The following EXOC4 variants were observed in gnomAD, a reference collection of about 807,000 sequenced individuals.
EXOC4 encodes SEC8-like 1.
EXOC4 carries 71 observed loss-of-function variants against 107.2 expected under a neutral mutation model. The ratio of observed to expected loss-of-function variants is 0.66; its 90% CI spans 0.55 to 0.81. EXOC4 has a LOEUF of 0.81. EXOC4 is among the 30% of genes least tolerant of loss of function. The probability of loss-of-function intolerance (pLI) is 0.00; values close to 1 mark genes in which losing one functional copy is unlikely to be tolerated. For missense variants in EXOC4, 1,108 were observed against 1,189.6 expected (o/e 0.93, Z 1.01); for synonymous variants, 456 against 441.2 (o/e 1.03, Z -0.42).
chr7:133,504,702 T>C (rs903880875), intron 9 of EXOC4, among the ~76,000 whole-genome samples: 1 of 152,128 alleles, frequency 6.6e-6, no homozygotes, highest in Non-Finnish European at 1.5e-5. Flanking sequence ...GACTAATGTA[T>C]GTTTATATGA....
At chr7:133,403,031 C>T (rs530067193) in intron 7 of EXOC4, among the ~76,000 whole-genome samples, 102 of 151,830 alleles carry the variant, frequency 6.7e-4, no homozygotes, top group Middle Eastern at 3.4e-3. Context: ...ATTACAGGCA[C>T]GCACCACCAT....
chr7:133,530,819 A>C (rs1325470425), intron 9 of EXOC4, among the ~76,000 whole-genome samples: 1 of 152,196 alleles, frequency 6.6e-6, no homozygotes, highest in African/African-American at 2.4e-5. Context: ...CACGTATTCA[A>C]CTTTGTCAAA....
chr7:133,458,064 TAAAGA>T (rs1188370384), intron 7 of EXOC4, among the ~76,000 whole-genome samples: 5 of 152,204 alleles, frequency 3.3e-5, no homozygotes. Flanking sequence ...AATGTATACC[TAAAGA>T]AAAGTTATTT....
chr7:133,263,696 A>G (rs765594645), intron 1 of EXOC4, among the ~76,000 whole-genome samples: 5 of 151,886 alleles, frequency 3.3e-5, no homozygotes, highest in Non-Finnish European at 5.9e-5. Context: ...AGATCTTTTA[A>G]TTTTTGTACA....
intron 10 of EXOC4, among the ~76,000 whole-genome samples, chr7:133,721,304 C>T (rs746296760): frequency 3.9e-5 from 6 of 152,054 alleles, no homozygotes; most frequent in Non-Finnish European, 8.8e-5. Context: ...ATCAGACATA[C>T]CTTTTGAGTG....
chr7:133,745,705 T>C (rs1795661122), intron 10 of EXOC4, among the ~76,000 whole-genome samples: 1 of 149,862 alleles, frequency 6.7e-6, no homozygotes, highest in East Asian at 1.9e-4. Context: ...TTGCCTCCTG[T>C]TACTCTTTTT....
chr7:133,558,457 A>G (rs1800745451), intron 9 of EXOC4, among the ~76,000 whole-genome samples: 1 of 152,074 alleles, frequency 6.6e-6, no homozygotes, highest in African/African-American at 2.4e-5. Context: ...TTAAATGCAC[A>G]AATAATAGTT....
intron 14 of EXOC4, among the ~76,000 whole-genome samples, chr7:133,952,135 T>C (rs4129572): frequency 0.53 from 80,517 of 151,238 alleles, 22,573 homozygotes; most frequent in Admixed American, 0.65. Flanking sequence ...CAGCCCGAGC[T>C]GACAACAGTG....
chr7:133,973,007 A>C (rs1801277468), intron 14 of EXOC4, among the ~76,000 whole-genome samples: 1 of 152,218 alleles, frequency 6.6e-6, no homozygotes. Flanking sequence ...TTTCCAACAG[A>C]AATTAAATCA....
rs1449139186 is a variant in EXOC4, at chr7:133,305,976, G to C, written c.571G>C (p.Val191Leu). 6.2e-7 allele frequency: 1 copy of C among 1,613,922 alleles called. No homozygotes were observed. Among genetic ancestry groups the C allele is most frequent in the Non-Finnish European group, 8.5e-7 (1 of 1,179,916 alleles). Residue 191 changes from valine to leucine, a missense_variant, in exon 4 of 18, where the codon GTT (valine) becomes CTT (leucine). Physicochemically the swap from Val to Leu is conservative, Grantham distance 32. Transcript: ENST00000253861. ...LHSKKMNLHLVLIDELHRHLY... is the reference protein window; with the variant it reads ...LHSKKMNLHLLLIDELHRHLY... ...CAGCAAGAAGATGAACCTTCACTTG[G>C]TTCTCATAGATGAACTACACCGGCA...
intron 11 of EXOC4, among the ~76,000 whole-genome samples, chr7:133,824,690 G>A (rs1379180315): frequency 6.6e-6 from 1 of 152,154 alleles, no homozygotes; most frequent in South Asian, 2.1e-4. Context: ...AAGCTCTGGA[G>A]GACGATCCTT....
rs1371864955 is a variant in EXOC4, at chr7:133,488,502, T to C, written c.1417+8364T>C. Among the ~76,000 whole-genome samples the C allele has an allele frequency of 3.3e-5, 5 of 152,052 alleles. No individual in the cohort carries two copies. In the East Asian group the frequency reaches 9.6e-4, roughly 29 times the overall value. ...ACTCAGAGGCAGACATATGGAAATA[T>C]TATATGAGGGAGAAATGACTTTACA... On this transcript the variant is annotated intron_variant, in intron 9 of 17. Coordinates refer to ENST00000253861, the MANE Select transcript of EXOC4 (RefSeq NM_021807.4).
At chr7:133,716,262 A>C (rs1464279469) in intron 10 of EXOC4, among the ~76,000 whole-genome samples, 1 of 152,244 alleles carries the variant, frequency 6.6e-6, no homozygotes, top group South Asian at 2.1e-4. Context: ...AAAAGTTGAC[A>C]TGGGACTCTG....
intron 12 of EXOC4, among the ~76,000 whole-genome samples, chr7:133,916,103 G>C (rs1249832955): frequency 6.6e-6 from 1 of 152,236 alleles, no homozygotes; most frequent in Non-Finnish European, 1.5e-5. Flanking sequence ...AAGGGGATGG[G>C]ATGGTTTCAG....
rs189657760 is a variant in EXOC4, at chr7:133,419,389, A to G, written c.1182+44387A>G. 6.2e-4 allele frequency among the ~76,000 whole-genome samples: 95 copies of G among 152,278 alleles called. 1 individual carries two copies. Among genetic ancestry groups the G allele is most frequent in the Middle Eastern group, 3.4e-3 (1 of 294 alleles). ...ACGTTTGAAATGCTCCAATTCTTCA[A>G]GTTGGTATTCATGATTAAAATAATT... On this transcript the variant is annotated intron_variant, in intron 7 of 17. Coordinates refer to ENST00000253861, the MANE Select transcript of EXOC4 (RefSeq NM_021807.4).
intron 9 of EXOC4, among the ~76,000 whole-genome samples, chr7:133,495,856 A>G (rs912698774): frequency 1.1e-4 from 16 of 152,164 alleles, no homozygotes; most frequent in Non-Finnish European, 1.6e-4. Context: ...TAACATAGGC[A>G]TGTGTTTGGC....
chr7:133,997,651 C>G lies in EXOC4; in HGVS notation c.2348+18C>G. On this transcript the variant is annotated intron_variant, in intron 15 of 17. Coordinates refer to ENST00000253861, the MANE Select transcript of EXOC4 (RefSeq NM_021807.4). ...GAAGTGAGGTATGATACAGCCAAGC[C>G]CAGGACCTTGCAATTTGAATGCACT... 1.2e-6 allele frequency: 2 copies of G among 1,609,384 alleles called. No individual in the cohort carries two copies. Among genetic ancestry groups the G allele is most frequent in the Non-Finnish European group, 8.5e-7 (1 of 1,177,516 alleles).
At chr7:133,918,182 G>A (rs1043668110) in intron 13 of EXOC4, among the ~76,000 whole-genome samples, 2 of 151,856 alleles carry the variant, frequency 1.3e-5, no homozygotes, top group African/African-American at 4.8e-5. Context: ...GGGTTTCACA[G>A]TGTTAGCCAG....
At chr7:133,965,237 T>A (rs1284589797) in intron 14 of EXOC4, among the ~76,000 whole-genome samples, 1 of 152,258 alleles carries the variant, frequency 6.6e-6, no homozygotes, top group African/African-American at 2.4e-5. Flanking sequence ...TAACCCATTG[T>A]CAGATGGATA....
Sources: gnomAD v4.1 joint callset for allele counts (sites outside exome capture counted in the v4.1 genomes callset) on GRCh38, gnomAD v4.1.1 for gene constraint, MANE v1.5 for transcripts, NCBI Gene and HGNC (gene_info 2026-07-23, HGNC 2026-07-21) for gene names.